FBXW4: variants seen among roughly 807,000 people sequenced by gnomAD.
The protein encoded by FBXW4 is F-box/WD repeat-containing protein 4.
In FBXW4, 40 loss-of-function variants were observed where a neutral mutation model predicts 61.8. The observed-to-expected ratio is 0.65, with a 90% confidence interval of 0.50 to 0.84. The LOEUF is 0.84. FBXW4 is among the 40% of genes least tolerant of loss of function. The probability of loss-of-function intolerance (pLI) is 0.00; values close to 1 mark genes in which losing one functional copy is unlikely to be tolerated. For synonymous variants in FBXW4, 311 were observed against 313.8 expected (o/e 0.99, Z 0.10); for missense variants, 672 against 753.8 (o/e 0.89, Z 1.27).
At chr10:101,612,530 C>G (rs940234509) in intron 6 of FBXW4, 53 bp from the exon 7 acceptor site, 2 of 1,443,982 alleles carry the variant, frequency 1.4e-6, no homozygotes, top group African/African-American at 1.4e-5. Flanking sequence ...CATACACATT[C>G]GTTCCACCTT....
At chr10:101,630,749 A>G (rs2063947316) in intron 5 of FBXW4, among the ~76,000 whole-genome samples, 1 of 152,130 alleles carries the variant, frequency 6.6e-6, no homozygotes. Context: ...TGAGACAACC[A>G]GTTCCTAAGA....
intron 5 of FBXW4, among the ~76,000 whole-genome samples, chr10:101,642,372 G>A (rs1253082502): frequency 2.1e-5 from 3 of 142,312 alleles, no homozygotes; most frequent in Non-Finnish European, 3.0e-5. Flanking sequence ...CCAACATAGC[G>A]GGACCCTATC....
chr10:101,632,595 G>C (rs1171069709), intron 5 of FBXW4, among the ~76,000 whole-genome samples: 1 of 151,918 alleles, frequency 6.6e-6, no homozygotes, highest in East Asian at 1.9e-4. Context: ...TAATAGAGAG[G>C]GGAAAAAATA....
chr10:101,614,153 A>G (rs1228067113), intron 6 of FBXW4, among the ~76,000 whole-genome samples: 1 of 152,234 alleles, frequency 6.6e-6, no homozygotes, highest in African/African-American at 2.4e-5. Flanking sequence ...TTGGCTCCAC[A>G]GTTCTCCTCC....
chr10:101,668,128 C>A, intron 4 of FBXW4, 148 bp from the exon 5 acceptor site: 1 of 625,508 alleles, frequency 1.6e-6, no homozygotes, highest in Non-Finnish European at 2.9e-6. Context: ...AGCAGAGGGG[C>A]CCCTGCAGCT....
intron 5 of FBXW4, among the ~76,000 whole-genome samples, chr10:101,653,732 T>C (rs2064162587): frequency 6.6e-6 from 1 of 152,210 alleles, no homozygotes; most frequent in Non-Finnish European, 1.5e-5. Flanking sequence ...TTTCCGCAAT[T>C]GCACTATAAG....
At chr10:101,638,592 T>C (rs1007774174) in intron 5 of FBXW4, among the ~76,000 whole-genome samples, 2 of 151,838 alleles carry the variant, frequency 1.3e-5, no homozygotes, top group African/African-American at 4.8e-5. Flanking sequence ...ATTTTTACAA[T>C]TAGAACATAT....
At chr10:101,693,776 T>C (rs1445274105) in intron 1 of FBXW4, among the ~76,000 whole-genome samples, 2 of 152,130 alleles carry the variant, frequency 1.3e-5, no homozygotes, top group African/African-American at 2.4e-5. Context: ...CCATGTCTTG[T>C]ACACATCCTG....
chr10:101,652,590 G>C (rs1239268804), intron 5 of FBXW4, among the ~76,000 whole-genome samples: 3 of 152,086 alleles, frequency 2.0e-5, no homozygotes, highest in African/African-American at 7.2e-5. Context: ...ACAAGAGCCA[G>C]AGGAAAGAAC....
chr10:101,663,636 CAA>C (rs201279739), intron 5 of FBXW4, among the ~76,000 whole-genome samples: 53 of 134,872 alleles, frequency 3.9e-4, no homozygotes, highest in African/African-American at 4.6e-4. Context: ...GACCCTGTCT[CAA>C]AAAAAAAAAA....
chr10:101,636,960 T>C (rs912736549), intron 5 of FBXW4, among the ~76,000 whole-genome samples: 3 of 152,172 alleles, frequency 2.0e-5, no homozygotes, highest in Non-Finnish European at 2.9e-5. Flanking sequence ...AAATTGTATG[T>C]CTGATATTTG....
chr10:101,690,761 A>G (rs954823324), intron 1 of FBXW4, among the ~76,000 whole-genome samples: 6 of 152,228 alleles, frequency 3.9e-5, no homozygotes, highest in South Asian at 2.1e-4. Context: ...AGTGCAGGCC[A>G]TAAGTCCACA....
rs896105863 is a variant in FBXW4, at chr10:101,689,820, A to G, written c.725+4561T>C. On this transcript the variant is annotated intron_variant, in intron 1 of 8. Coordinates refer to ENST00000331272, the MANE Select transcript of FBXW4 (RefSeq NM_022039.4). ...CTCACCACTCTGGACGTTAATCATCACTGAAATAGATACCCCAGGCCCCCA... is the reference window on the plus strand; with the variant it reads ...CTCACCACTCTGGACGTTAATCATCGCTGAAATAGATACCCCAGGCCCCCA... 9.8e-5 allele frequency among the ~76,000 whole-genome samples: 15 copies of G among 152,288 alleles called. 1 individual carries two copies. The highest frequency in any genetic ancestry group is 2.6e-4 in the Admixed American group (4 of 15,300).
intron 5 of FBXW4, among the ~76,000 whole-genome samples, chr10:101,627,368 T>TA (rs1377705285): frequency 6.6e-6 from 1 of 152,042 alleles, no homozygotes; most frequent in African/African-American, 2.4e-5. Context: ...TAACACTCAG[T>TA]AAAAAACCAT....
chr10:101,675,188 A>C (rs1207578867), intron 2 of FBXW4, among the ~76,000 whole-genome samples: 1 of 152,220 alleles, frequency 6.6e-6, no homozygotes, highest in Non-Finnish European at 1.5e-5. Flanking sequence ...ACATGTGTAG[A>C]GTGTGTACAG....
chr10:101,635,395 A>C (rs1233759527), intron 5 of FBXW4, among the ~76,000 whole-genome samples: 1 of 152,176 alleles, frequency 6.6e-6, no homozygotes, highest in Non-Finnish European at 1.5e-5. Flanking sequence ...ATGCACTTGA[A>C]TCATCCCAAA....
intron 5 of FBXW4, among the ~76,000 whole-genome samples, chr10:101,634,467 A>G (rs1175313118): frequency 1.3e-5 from 2 of 149,284 alleles, no homozygotes; most frequent in Non-Finnish European, 3.0e-5. Context: ...ATAACCCAGA[A>G]ATATCTGAAA....
At chr10:101,627,995 TG>T (rs1208380278) in intron 5 of FBXW4, 1 of 985,290 alleles carries the variant, frequency 1.0e-6, no homozygotes, top group African/African-American at 1.7e-5. Context: ...CTGTTCGATT[TG>T]AATCCGCGAG....
At chr10:101,630,898 C>G (rs1564906975) in intron 5 of FBXW4, among the ~76,000 whole-genome samples, 2 of 152,224 alleles carry the variant, frequency 1.3e-5, no homozygotes, top group Admixed American at 1.3e-4. Context: ...CCTGAATGCC[C>G]TCTAGAGCGC....
Sources: gnomAD v4.1 joint callset for allele counts (sites outside exome capture counted in the v4.1 genomes callset) on GRCh38, gnomAD v4.1.1 for gene constraint, MANE v1.5 for transcripts, NCBI Gene and HGNC (gene_info 2026-07-23, HGNC 2026-07-21) for gene names.